FKBP14: variants seen among roughly 807,000 people sequenced by gnomAD.
FKBP14 encodes the protein peptidyl-prolyl cis-trans isomerase FKBP14.
Under a neutral mutation model 21.6 loss-of-function variants are expected in FKBP14, and 20 were observed. The ratio of observed to expected loss-of-function variants is 0.92; its 90% CI spans 0.65 to 1.34. The LOEUF (loss-of-function observed/expected upper bound fraction) is 1.34. Ranked by LOEUF, FKBP14 falls within the 40% of genes most tolerant of loss-of-function variation. The pLI is 0.00. For synonymous variants in FKBP14, 79 were observed against 86.7 expected (o/e 0.91, Z 0.49); for missense variants, 253 against 249.0 (o/e 1.02, Z -0.11).
downstream of FKBP14, among the ~76,000 whole-genome samples, chr7:30,006,731 C>A (rs1308929234): frequency 1.3e-5 from 2 of 152,070 alleles, no homozygotes; most frequent in Admixed American, 1.3e-4. Context: ...GGGAATAGTC[C>A]CCAATTATTA....
chr7:30,018,996 C>T lies in FKBP14; in HGVS notation c.477G>A (p.Glu159=). The change falls in exon 3 of 4, where the codon GAG becomes GAA. Residue 159 remains glutamate (E), a splice_region_variant and synonymous_variant. Coordinates refer to ENST00000222803, the MANE Select transcript of FKBP14 (RefSeq NM_017946.4). ...LNDDWKLSKD[E]VKAYLKKEFE... The stretch of plus-strand genomic sequence containing the variant: ...AGGAGTAGGAAGAAGGAAAGGTCAC[C>T]TCATCTTTAGAGAGTTTCCAGTCAT... 1 of 1,607,888 alleles carries T rather than the reference C, an allele frequency of 6.2e-7. No individual in the cohort carries two copies. Among genetic ancestry groups the T allele is most frequent in the Non-Finnish European group, 8.5e-7 (1 of 1,177,996 alleles).
rs975759698 is a variant in FKBP14 at position 30,011,405 on chromosome 7, G to A, written c.*3330C>T. ...GTGTACGGTGTTTATAAAGTCTACAGTAGTGTACAGTAATGTCCTAGGCCT... is the reference window on the plus strand; with the variant it reads ...GTGTACGGTGTTTATAAAGTCTACAATAGTGTACAGTAATGTCCTAGGCCT... On this transcript the variant is annotated 3_prime_UTR_variant, in exon 4 of 4. Coordinates refer to ENST00000222803, the MANE Select transcript of FKBP14 (RefSeq NM_017946.4). The A allele has an allele frequency of 1.3e-5, 2 of 151,188 alleles. No individual in the cohort carries two copies. Among genetic ancestry groups the A allele is most frequent in the African/African-American group, 4.9e-5 (2 of 41,058 alleles). 9.4% of individuals were successfully genotyped at this position (151,188 alleles called of 1,614,324 possible). A position where few individuals can be genotyped will look rare whatever the true frequency, so the allele number is the denominator to read the frequency against.
intron 3 of FKBP14, among the ~76,000 whole-genome samples, chr7:30,017,690 T>C (rs1789927138): frequency 6.6e-6 from 1 of 152,128 alleles, no homozygotes; most frequent in South Asian, 2.1e-4. Context: ...ATTACAAGTG[T>C]GAGCCACCTC....
intron 2 of FKBP14, among the ~76,000 whole-genome samples, chr7:30,019,497 G>A (rs530182209): frequency 6.6e-6 from 1 of 152,150 alleles, no homozygotes; most frequent in East Asian, 1.9e-4. Context: ...TCGGAGTTAA[G>A]TATATTAAAA....
rs1789824089 is a variant in FKBP14, at chr7:30,014,386, A to T, written c.*349T>A. ...TTGGAGAAAATAGAGGGAAGCAGAA[A>T]TATAGGGTGCTAATTTGTGCTATAA... On this transcript the variant is annotated 3_prime_UTR_variant, in exon 4 of 4. Coordinates refer to ENST00000222803, the MANE Select transcript of FKBP14 (RefSeq NM_017946.4). 1 of 158,220 alleles carries T rather than the reference A, an allele frequency of 6.3e-6. No individual in the cohort carries two copies. The highest frequency in any genetic ancestry group is 1.4e-5 in the Non-Finnish European group (1 of 72,348). The allele number at this position is 158,220 out of a possible 1,614,324, so 9.8% of individuals were successfully genotyped here.
chr7:30,014,781 C>G lies in FKBP14; in HGVS notation c.590G>C (p.Gly197Ala). ...TGTAAATTCTCTGGCAGATATAAAC[C>G]CATCTTTGTCTTCATCTTCTTTATC... is the stretch of plus-strand genomic sequence containing the variant. ...IFDKEDEDKD[G>A]FISAREFTYK... The change falls in exon 4 of 4, where the codon GGG becomes GCG. Residue 197 changes from glycine to alanine, a missense_variant. Transcript: ENST00000222803. 1.2e-6 allele frequency: 2 copies of G among 1,610,686 alleles called. No individual in the cohort carries two copies. Among genetic ancestry groups the G allele is most frequent in the Non-Finnish European group, 1.7e-6 (2 of 1,178,856 alleles).
intron 3 of FKBP14, 56 bp downstream of exon 3, chr7:30,018,940 A>G: frequency 1.3e-6 from 2 of 1,576,572 alleles, no homozygotes; most frequent in South Asian, 1.2e-5. Context: ...AAACAAAACA[A>G]AACCCCAAAC....
At position 30,012,897 on chromosome 7, in the gene FKBP14, T is replaced by A. The variant is rs1318193831; in HGVS notation, c.*1838A>T. On this transcript the variant is annotated 3_prime_UTR_variant, in exon 4 of 4. Transcript: ENST00000222803. ...CCCCAGGGAAATTTTCACTTTTCAT[T>A]AGTAGAGGGCAGTAGAAGACACTGA... 6.6e-6 allele frequency: 1 copy of A among 152,160 alleles called. No individual in the cohort carries two copies. Among genetic ancestry groups the A allele is most frequent in the East Asian group, 1.9e-4 (1 of 5,194 alleles). 9.4% of individuals were successfully genotyped at this position (152,160 alleles called of 1,614,324 possible). A position where few individuals can be genotyped will look rare whatever the true frequency, so the allele number is the denominator to read the frequency against.
chr7:30,026,352 C>T lies in FKBP14; in HGVS notation c.157G>A (p.Glu53Lys), dbSNP rs1335685621. The change falls in exon 1 of 4, where the codon GAA becomes AAA. Residue 53 changes from glutamate to lysine, a missense_variant. Glu to Lys is a moderately conservative substitution (Grantham distance 56). Coordinates refer to ENST00000222803, the MANE Select transcript of FKBP14 (RefSeq NM_017946.4). ...GAGCCGTCCTTTTCTAAGTAGCCTT[C>T]ATAGTGGACCAACATCAAATCCCCT... ...KGGDLMLVHY[E>K]GYLEKDGSLF... The T allele has an allele frequency of 1.2e-6, 2 of 1,613,914 alleles. No homozygotes were observed.
At chr7:30,017,566 T>TAA (rs541132117) in intron 3 of FKBP14, among the ~76,000 whole-genome samples, 14 of 137,664 alleles carry the variant, frequency 1.0e-4, no homozygotes, top group South Asian at 2.3e-4. Context: ...AGATTCCGTC[T>TAA]AAAAAAAAAA....
At chr7:30,008,512 G>C (rs535221778), downstream of FKBP14, 2 of 145,458 alleles carry the variant, frequency 1.4e-5, no homozygotes, top group African/African-American at 5.1e-5. Flanking sequence ...TCTGAGTTCA[G>C]GAGTTCGAGA....
chr7:30,009,025 T>C (rs1789666787), downstream of FKBP14, among the ~76,000 whole-genome samples: 1 of 152,108 alleles, frequency 6.6e-6, no homozygotes, highest in African/African-American at 2.4e-5. Context: ...ATAGTAATGC[T>C]TTTAAATGGG....
chr7:30,026,314 G>A lies in FKBP14; in HGVS notation c.195C>T (p.Ser65=), dbSNP rs777988956. 4 of 1,602,010 alleles carry A rather than the reference G, an allele frequency of 2.5e-6. No homozygotes were observed. The highest frequency in any genetic ancestry group is 3.4e-6 in the Non-Finnish European group (4 of 1,172,790). Residue 65 remains serine, a splice_region_variant and synonymous_variant, in exon 1 of 4, where the codon TCC becomes TCT. Coordinates refer to ENST00000222803, the MANE Select transcript of FKBP14 (RefSeq NM_017946.4). ...YLEKDGSLFH[S]THKHNNGQPI... Reference sequence around the variant, plus strand: ...ACCTGCGGGGCATAATTACTTACGTGGAGTGAAATAAGGAGCCGTCCTTTT... The same window carrying A: ...ACCTGCGGGGCATAATTACTTACGTAGAGTGAAATAAGGAGCCGTCCTTTT...
chr7:30,026,491 C>G lies in FKBP14; in HGVS notation c.18G>C (p.Trp6Cys), dbSNP rs1481251822. The change falls in exon 1 of 4, where the codon TGG (tryptophan) becomes TGC (cysteine). Residue 6 changes from tryptophan to cysteine, a missense_variant. By Grantham distance (215) the Trp-to-Cys change is radical. Coordinates refer to ENST00000222803, the MANE Select transcript of FKBP14 (RefSeq NM_017946.4). MRLFL[W>C]NAVLTLFVTS... ...TGACGAACAGAGTCAAGACCGCGTT[C>G]CACAAGAAAAGCCTCATGTTGCTGA... 3.7e-6 allele frequency: 6 copies of G among 1,611,622 alleles called. No individual in the cohort carries two copies. The Admixed American group carries it at 6.7e-5, about 18-fold the overall frequency.
intron 1 of FKBP14, among the ~76,000 whole-genome samples, chr7:30,023,486 C>T (rs1311328256): frequency 6.6e-6 from 1 of 152,160 alleles, no homozygotes; most frequent in Non-Finnish European, 1.5e-5. Context: ...TGCTTTTCAT[C>T]CCTAAATCCC....
chr7:30,016,749 A>G (rs1025264180), intron 3 of FKBP14, among the ~76,000 whole-genome samples: 2 of 152,162 alleles, frequency 1.3e-5, no homozygotes, highest in Admixed American at 6.5e-5. Context: ...TCAATTTCCC[A>G]CAAGATTCAC....
rs1200092061 is a variant in FKBP14 at position 30,011,014 on chromosome 7, GTTT to G, written c.*3718_*3720del. 6.6e-6 allele frequency: 1 copy of G among 151,752 alleles called. No homozygotes were observed. Among genetic ancestry groups the G allele is most frequent in the Non-Finnish European group, 1.5e-5 (1 of 67,966 alleles). The allele number at this position is 151,752 out of a possible 1,614,324, so 9.4% of individuals were successfully genotyped here. ...GAAAATTTACAGTAAGCTAAGGTTA[GTTT>G]TTTATTATTTCTATAAAAATTATAG... On this transcript the variant is annotated 3_prime_UTR_variant, in exon 4 of 4. Transcript: ENST00000222803.
At chr7:30,025,185 C>T (rs1473259837) in intron 1 of FKBP14, among the ~76,000 whole-genome samples, 1 of 152,180 alleles carries the variant, frequency 6.6e-6, no homozygotes, top group African/African-American at 2.4e-5. Context: ...TTCCCTCTAC[C>T]TACAACATCC....
intron 1 of FKBP14, among the ~76,000 whole-genome samples, chr7:30,023,441 A>G (rs113314673): frequency 6.6e-5 from 10 of 152,300 alleles, no homozygotes; most frequent in African/African-American, 1.7e-4. Context: ...TGCCTTAGCT[A>G]TGGCCTGCTG....
Sources: allele counts gnomAD v4.1 joint callset (sites outside exome capture counted in the v4.1 genomes callset), GRCh38; gene constraint gnomAD v4.1.1; transcripts MANE v1.5; gene names NCBI Gene and HGNC (gene_info 2026-07-23, HGNC 2026-07-21).